The following KLRC3 variants were observed in gnomAD, a reference collection of about 807,000 sequenced individuals.
KLRC3 encodes the protein NKG2-E type II integral membrane protein.
KLRC3 carries 16 observed loss-of-function variants against 23.6 expected under a neutral mutation model. That is an observed-to-expected ratio of 0.68 (90% confidence interval 0.46 to 1.03). The LOEUF (loss-of-function observed/expected upper bound fraction) is 1.03. Ranked by LOEUF, KLRC3 falls within the 50% of genes least tolerant of loss-of-function variation. The probability of loss-of-function intolerance (pLI) is 0.00; values close to 1 mark genes in which losing one functional copy is unlikely to be tolerated. For synonymous variants in KLRC3, 70 were observed against 71.8 expected, an observed-to-expected ratio of 0.98 and a Z score of 0.13; for missense variants, 209 against 232.2, an observed-to-expected ratio of 0.90 and a Z score of 0.65.
chr12:10,413,250 T>G (rs543825408), intron 6 of KLRC3, among the ~76,000 whole-genome samples: 1 of 152,300 alleles, frequency 6.6e-6, no homozygotes, highest in African/African-American at 2.4e-5. Flanking sequence ...TATATGGTTT[T>G]TAATTCAGTA....
At chr12:10,415,922 T>C in intron 5 of KLRC3, 128 bp from the exon 6 acceptor site, 1 of 678,440 alleles carries the variant, frequency 1.5e-6, no homozygotes, top group Non-Finnish European at 2.5e-6. Flanking sequence ...CATATGCTAT[T>C]ACTAAAAGTC....
At chr12:10,420,288 C>G in intron 1 of KLRC3, 76 bp downstream of exon 1, 2 of 1,450,842 alleles carry the variant, frequency 1.4e-6, no homozygotes, top group Non-Finnish European at 1.9e-6. Flanking sequence ...AAAATATTCC[C>G]TAATCTTTCC....
intron 6 of KLRC3, among the ~76,000 whole-genome samples, chr12:10,415,009 T>C (rs1266274789): frequency 6.6e-6 from 1 of 152,008 alleles, no homozygotes; most frequent in African/African-American, 2.4e-5. Context: ...CCAAAATACA[T>C]AATATGATAG....
intron 6 of KLRC3, among the ~76,000 whole-genome samples, chr12:10,414,871 T>C (rs971088616): frequency 6.6e-6 from 1 of 152,030 alleles, no homozygotes; most frequent in African/African-American, 2.4e-5. Flanking sequence ...GTAAAATAAG[T>C]GAAAATGCAG....
intron 5 of KLRC3, 78 bp from the exon 6 acceptor site, chr12:10,415,872 G>A (rs1863635209): frequency 4.9e-6 from 5 of 1,010,974 alleles, no homozygotes; most frequent in Non-Finnish European, 7.6e-6. Context: ...TCCATGTACT[G>A]TAAGAAAATA....
At chr12:10,417,872 T>C (rs1432478694) in intron 4 of KLRC3, among the ~76,000 whole-genome samples, 1 of 152,218 alleles carries the variant, frequency 6.6e-6, no homozygotes, top group Non-Finnish European at 1.5e-5. Flanking sequence ...ATTCACACTG[T>C]ATAATTCCGT....
rs1372474464 is a variant in KLRC3, at chr12:10,415,800, A to G, written c.588-6T>C. 1.3e-6 allele frequency: 2 copies of G among 1,593,790 alleles called. No homozygotes were observed. Among genetic ancestry groups the G allele is most frequent in the East Asian group, 4.5e-5 (2 of 44,692 alleles). On this transcript the variant is annotated splice_polypyrimidine_tract_variant and splice_region_variant and intron_variant, in intron 5 of 6. Coordinates refer to ENST00000396439, the MANE Select transcript of KLRC3 (RefSeq NM_002261.3). The stretch of plus-strand genomic sequence containing the variant: ...CATGATCTGAGTCTTTTATCCTGTA[A>G]TGGAGAAAAATCCATAATTCTGTTA...
chr12:10,415,082 G>A (rs1363048268), intron 6 of KLRC3, among the ~76,000 whole-genome samples: 1 of 152,136 alleles, frequency 6.6e-6, no homozygotes, highest in Non-Finnish European at 1.5e-5. Flanking sequence ...ATATGATATT[G>A]TATGGAAATG....
chr12:10,420,170 T>C (rs184093784), intron 1 of KLRC3, among the ~76,000 whole-genome samples, 194 bp downstream of exon 1: 15 of 152,252 alleles, frequency 9.9e-5, no homozygotes, highest in Admixed American at 2.0e-4. Flanking sequence ...CATGAGTGGA[T>C]TGCAGATTAC....
At chr12:10,418,290 T>C in intron 4 of KLRC3, 54 bp downstream of exon 4, 2 of 1,492,666 alleles carry the variant, frequency 1.3e-6, no homozygotes, top group East Asian at 2.3e-5. Flanking sequence ...TCTACAAATG[T>C]ATTATTCACT....
intron 5 of KLRC3, 123 bp from the exon 6 acceptor site, chr12:10,415,917 G>T: frequency 1.4e-6 from 1 of 695,074 alleles, no homozygotes; most frequent in Admixed American, 2.7e-5. Context: ...TTTTTCATAT[G>T]CTATTACTAA....
intron 1 of KLRC3, 62 bp downstream of exon 1, chr12:10,420,302 C>T (rs945104743): frequency 1.3e-5 from 20 of 1,519,438 alleles, no homozygotes; most frequent in African/African-American, 2.8e-5. Context: ...TCTTTCCTCA[C>T]CCTTCTGCAT....
At position 10,412,489 on chromosome 12, in the gene KLRC3, A is replaced by G. The variant is rs1257809230; in HGVS notation, c.*83T>C. 1 of 688,170 alleles carries G rather than the reference A, an allele frequency of 1.5e-6. No individual in the cohort carries two copies. Among genetic ancestry groups the G allele is most frequent in the Non-Finnish European group, 2.6e-6 (1 of 380,564 alleles). 42.6% of individuals were successfully genotyped at this position (688,170 alleles called of 1,614,324 possible). Reference sequence around the variant, plus strand: ...AGTAGATTTTTAAAACACAAGCTAAATGGTACATGAGCACTCAGGGGCGGT... The same window carrying G: ...AGTAGATTTTTAAAACACAAGCTAAGTGGTACATGAGCACTCAGGGGCGGT... On this transcript the variant is annotated 3_prime_UTR_variant, in exon 7 of 7. Coordinates refer to ENST00000396439, the MANE Select transcript of KLRC3 (RefSeq NM_002261.3).
At chr12:10,413,189 T>C (rs796094122) in intron 6 of KLRC3, among the ~76,000 whole-genome samples, 2 of 152,356 alleles carry the variant, frequency 1.3e-5, no homozygotes, top group African/African-American at 2.4e-5. Flanking sequence ...GAAAATGTTC[T>C]AACTATATTT....
Position 10,412,319 on chromosome 12 carries a change from G to T in KLRC3, c.*253C>A, listed in dbSNP as rs953211374. 7.6e-6 allele frequency: 4 copies of T among 527,858 alleles called. No homozygotes were observed. Among genetic ancestry groups the T allele is most frequent in the African/African-American group, 6.0e-5 (3 of 50,032 alleles). 32.7% of individuals were successfully genotyped at this position (527,858 alleles called of 1,614,324 possible). ...ATATATAAAAACCACTCATTATATTGTTCATTGATTTATTTTCCAATCATA... is the reference window on the plus strand; with the variant it reads ...ATATATAAAAACCACTCATTATATTTTTCATTGATTTATTTTCCAATCATA... On this transcript the variant is annotated 3_prime_UTR_variant, in exon 7 of 7. Coordinates refer to ENST00000396439, the MANE Select transcript of KLRC3 (RefSeq NM_002261.3).
At chr12:10,415,630 C>A in intron 6 of KLRC3, 74 bp downstream of exon 6, 1 of 1,599,534 alleles carries the variant, frequency 6.3e-7, no homozygotes, top group Non-Finnish European at 8.5e-7. Context: ...AATATCATTT[C>A]TGTTTGAACA....
chr12:10,412,564 T>C lies in KLRC3; in HGVS notation c.*8A>G. ...CTTGGGAGGCCAAGATGTGTTGATT[T>C]CTTGAGCTCAGGAGTTCAAGACCAG... On this transcript the variant is annotated 3_prime_UTR_variant, in exon 7 of 7. Transcript: ENST00000396439. 1 of 701,808 alleles carries C rather than the reference T, an allele frequency of 1.4e-6. No homozygotes were observed. The highest frequency in any genetic ancestry group is 2.6e-6 in the Non-Finnish European group (1 of 384,666). The allele number at this position is 701,808 out of a possible 1,614,324, so 43.5% of individuals were successfully genotyped here. A position where few individuals can be genotyped will look rare whatever the true frequency, so the allele number is the denominator to read the frequency against.
At chr12:10,413,849 A>AT (rs1352154355) in intron 6 of KLRC3, among the ~76,000 whole-genome samples, 3 of 146,810 alleles carry the variant, frequency 2.0e-5, no homozygotes, top group African/African-American at 7.6e-5. Context: ...TCATTGTTCA[A>AT]TTCCCACCTA....
chr12:10,414,667 G>T (rs927332473), intron 6 of KLRC3, among the ~76,000 whole-genome samples: 1 of 149,486 alleles, frequency 6.7e-6, no homozygotes, highest in Admixed American at 6.7e-5. Context: ...GCTAAATGAC[G>T]AGTTAATGGG....
Sources: gnomAD v4.1 joint callset for allele counts (sites outside exome capture counted in the v4.1 genomes callset) on GRCh38, gnomAD v4.1.1 for gene constraint, MANE v1.5 for transcripts, NCBI Gene and HGNC (gene_info 2026-07-23, HGNC 2026-07-21) for gene names.